TMEM150C: variants seen among roughly 807,000 people sequenced by gnomAD.
TMEM150C encodes tentonin 3.
A neutral mutation model predicts 29.9 loss-of-function variants in TMEM150C; 10 were observed. The ratio of observed to expected loss-of-function variants is 0.33; its 90% CI spans 0.21 to 0.57. The LOEUF (loss-of-function observed/expected upper bound fraction) is 0.57. TMEM150C is among the 20% of genes least tolerant of loss of function. The pLI, the probability that TMEM150C is intolerant of heterozygous loss-of-function variation, is 0.88. For missense variants in TMEM150C, 251 were observed against 303.6 expected, an observed-to-expected ratio of 0.83 and a Z score of 1.29; for synonymous variants, 101 against 112.5, an observed-to-expected ratio of 0.90 and a Z score of 0.64.
intron 1 of TMEM150C, among the ~76,000 whole-genome samples, chr4:82,548,554 C>G (rs1725459321): frequency 6.6e-6 from 1 of 152,124 alleles, no homozygotes; most frequent in African/African-American, 2.4e-5. Flanking sequence ...CCCTCTGAAC[C>G]AAAAGTGGCT....
intron 1 of TMEM150C, among the ~76,000 whole-genome samples, chr4:82,513,797 G>A (rs940882524): frequency 6.6e-5 from 10 of 152,144 alleles, no homozygotes; most frequent in Admixed American, 3.9e-4. Flanking sequence ...AGAGGGCTCC[G>A]TATAGCTGCC....
intron 1 of TMEM150C, among the ~76,000 whole-genome samples, chr4:82,506,317 C>T (rs948899216): frequency 1.3e-5 from 2 of 152,170 alleles, no homozygotes; most frequent in East Asian, 1.9e-4. Flanking sequence ...TACCTGATTA[C>T]GTAGATCTTT....
At chr4:82,529,918 A>G (rs1316596) in intron 1 of TMEM150C, among the ~76,000 whole-genome samples, 10,289 of 152,128 alleles carry the variant, frequency 0.068, 564 homozygotes, top group African/African-American at 0.14. Flanking sequence ...AGCATATTTT[A>G]TGGTTAATAG....
At chr4:82,526,353 A>T (rs956187624) in intron 1 of TMEM150C, among the ~76,000 whole-genome samples, 2 of 152,226 alleles carry the variant, frequency 1.3e-5, no homozygotes, top group Admixed American at 1.3e-4. Flanking sequence ...CTATCTGCTC[A>T]ATTGGCCAGG....
At chr4:82,498,348 G>A (rs1723623092) in intron 5 of TMEM150C, among the ~76,000 whole-genome samples, 1 of 151,874 alleles carries the variant, frequency 6.6e-6, no homozygotes, top group South Asian at 2.1e-4. Flanking sequence ...GGAGTGCAGT[G>A]GCGCAAACTT....
chr4:82,495,101 TA>T (rs965249800), intron 6 of TMEM150C: 46 of 850,418 alleles, frequency 5.4e-5, no homozygotes, highest in Middle Eastern at 3.3e-4. Context: ...CTTCTTTGTT[TA>T]AGGGCTTTCT....
chr4:82,519,455 CA>C (rs1724413645), intron 1 of TMEM150C, among the ~76,000 whole-genome samples: 1 of 151,810 alleles, frequency 6.6e-6, no homozygotes, highest in African/African-American at 2.4e-5. Context: ...GATGGAGTCT[CA>C]CTCTGTTGCC....
intron 1 of TMEM150C, among the ~76,000 whole-genome samples, chr4:82,550,219 T>C (rs1391787709): frequency 6.6e-6 from 1 of 152,172 alleles, no homozygotes; most frequent in African/African-American, 2.4e-5. Flanking sequence ...TGTTTAACAG[T>C]TCCACCTTCA....
At chr4:82,499,553 C>G (rs1477550029) in intron 5 of TMEM150C, among the ~76,000 whole-genome samples, 2 of 151,962 alleles carry the variant, frequency 1.3e-5, no homozygotes, top group Non-Finnish European at 2.9e-5. Context: ...GAAACCCCAT[C>G]TCTACTAGAA....
intron 1 of TMEM150C, among the ~76,000 whole-genome samples, chr4:82,538,537 T>C (rs1446009913): frequency 6.6e-6 from 1 of 152,204 alleles, no homozygotes; most frequent in African/African-American, 2.4e-5. Context: ...TATAAGTGTA[T>C]GTACAATGTA....
At chr4:82,512,676 T>C (rs1237987350) in intron 1 of TMEM150C, among the ~76,000 whole-genome samples, 1 of 152,202 alleles carries the variant, frequency 6.6e-6, no homozygotes, top group Non-Finnish European at 1.5e-5. Context: ...AAAATTTTCA[T>C]CAATGGGGTG....
At chr4:82,533,095 T>C (rs896759574) in intron 1 of TMEM150C, among the ~76,000 whole-genome samples, 1 of 152,174 alleles carries the variant, frequency 6.6e-6, no homozygotes, top group African/African-American at 2.4e-5. Context: ...TTGCTTCCAT[T>C]TGCACATTTA....
chr4:82,562,125 C>T (rs34938619), upstream of TMEM150C: 48,539 of 1,265,898 alleles, frequency 0.038, 1,066 homozygotes, highest in Non-Finnish European at 0.044. Flanking sequence ...CCCTGGGTCT[C>T]GGGCTTCTGC....
chr4:82,527,698 G>C (rs900060657), intron 1 of TMEM150C, among the ~76,000 whole-genome samples: 1 of 152,144 alleles, frequency 6.6e-6, no homozygotes, highest in Non-Finnish European at 1.5e-5. Context: ...TCTAACTCCA[G>C]CATCAGAAGT....
chr4:82,504,893 G>A (rs977803820), intron 1 of TMEM150C, among the ~76,000 whole-genome samples: 3 of 152,128 alleles, frequency 2.0e-5, no homozygotes, highest in South Asian at 2.1e-4. Flanking sequence ...AGCCGGGCGT[G>A]GTGGCGGGCG....
intron 5 of TMEM150C, 36 bp downstream of exon 5, chr4:82,502,691 C>T (rs77796544): frequency 0.071 from 112,461 of 1,573,700 alleles, 4,683 homozygotes; most frequent in African/African-American, 0.14. Flanking sequence ...AAGAAATGTA[C>T]CAAAGCACAT....
At chr4:82,537,356 T>C (rs1457422497) in intron 1 of TMEM150C, among the ~76,000 whole-genome samples, 1 of 152,240 alleles carries the variant, frequency 6.6e-6, no homozygotes, top group Non-Finnish European at 1.5e-5. Flanking sequence ...GAAGAAAATA[T>C]ATTTTTTAAA....
intron 1 of TMEM150C, among the ~76,000 whole-genome samples, chr4:82,517,168 C>T (rs187244936): frequency 3.3e-5 from 5 of 152,320 alleles, no homozygotes; most frequent in Non-Finnish European, 5.9e-5. Context: ...TGGAACAGAC[C>T]TTGTAAATTA....
rs557633649 is a variant in TMEM150C, at chr4:82,544,079, G to A, written c.-11+17827C>T. Among the ~76,000 whole-genome samples the A allele has an allele frequency of 1.8e-4, 28 of 152,276 alleles. No homozygotes were observed. In the South Asian group the frequency reaches 5.4e-3, roughly 29 times the overall value. On this transcript the variant is annotated intron_variant, in intron 1 of 7. Transcript: ENST00000449862. ...GATCGGATATTAACTGCCCCTCACCGTCCAGGTGTAGCTGGCAACATCAAG... is the reference window on the plus strand; with the variant it reads ...GATCGGATATTAACTGCCCCTCACCATCCAGGTGTAGCTGGCAACATCAAG...
Sources: gnomAD v4.1 joint callset for allele counts (sites outside exome capture counted in the v4.1 genomes callset) on GRCh38, gnomAD v4.1.1 for gene constraint, MANE v1.5 for transcripts, NCBI Gene and HGNC (gene_info 2026-07-23, HGNC 2026-07-21) for gene names.